Variants in PKD2L2 observed in about 807,000 individuals in gnomAD.
PKD2L2 encodes polycystin 2 like 2, transient receptor potential cation channel.
PKD2L2 carries 67 observed loss-of-function variants against 83.9 expected under a neutral mutation model. The observed-to-expected ratio is 0.80, with a 90% CI of 0.66 to 0.98. The LOEUF (loss-of-function observed/expected upper bound fraction) is 0.98, where lower values mean the gene tolerates loss of function less well. Ranked by LOEUF, PKD2L2 falls within the 50% of genes least tolerant of loss-of-function variation. The pLI, the probability that PKD2L2 is intolerant of heterozygous loss-of-function variation, is 0.00. For synonymous variants in PKD2L2, 223 were observed against 237.8 expected (o/e 0.94, Z 0.57); for missense variants, 632 against 717.2 (o/e 0.88, Z 1.36).
chr5:137,923,325 A>T, intron 9 of PKD2L2, 95 bp from the exon 10 acceptor site: 2 of 673,744 alleles, frequency 3.0e-6, no homozygotes, highest in African/African-American at 1.8e-5. Context: ...TACTTTTAAA[A>T]TTTAAATATA....
intron 12 of PKD2L2, among the ~76,000 whole-genome samples, chr5:137,930,933 C>T (rs148267324): frequency 0.014 from 2,062 of 152,004 alleles, 23 homozygotes; most frequent in Middle Eastern, 0.034. Flanking sequence ...AAGGCTAGTT[C>T]CTTGCAAACA....
chr5:137,923,646 C>G (rs34615501), intron 10 of PKD2L2, 125 bp downstream of exon 10: 94,062 of 646,604 alleles, frequency 0.15, 9,722 homozygotes, highest in East Asian at 0.37. Context: ...CATCCCATCC[C>G]CAGGGTTTGT....
chr5:137,926,814 G>A (rs1409151347), intron 12 of PKD2L2, among the ~76,000 whole-genome samples: 2 of 152,160 alleles, frequency 1.3e-5, no homozygotes, highest in South Asian at 4.1e-4. Flanking sequence ...CAAAAATTTA[G>A]TATTTGCGGG....
At chr5:137,902,170 G>C (rs1757015341) in intron 5 of PKD2L2, among the ~76,000 whole-genome samples, 1 of 152,032 alleles carries the variant, frequency 6.6e-6, no homozygotes, top group African/African-American at 2.4e-5. Context: ...TCTGGAGAAG[G>C]GTTCCGATTA....
chr5:137,913,884 T>C (rs910466055), intron 8 of PKD2L2, among the ~76,000 whole-genome samples: 145 of 149,616 alleles, frequency 9.7e-4, no homozygotes, highest in African/African-American at 2.2e-3. Flanking sequence ...TTTTTTTTTT[T>C]CCCGATGAGG....
chr5:137,919,913 C>G (rs576614171), intron 8 of PKD2L2, among the ~76,000 whole-genome samples: 1 of 152,278 alleles, frequency 6.6e-6, no homozygotes, highest in South Asian at 2.1e-4. Flanking sequence ...TATCAACATA[C>G]GATTAAACAT....
chr5:137,921,056 C>A (rs953762431), intron 8 of PKD2L2, among the ~76,000 whole-genome samples: 1 of 152,088 alleles, frequency 6.6e-6, no homozygotes, highest in East Asian at 1.9e-4. Flanking sequence ...AAACAGGTAT[C>A]TCAGGTTCAA....
intron 12 of PKD2L2, 128 bp downstream of exon 12, chr5:137,926,057 A>C: frequency 3.5e-6 from 2 of 564,720 alleles, no homozygotes; most frequent in South Asian, 2.3e-5. Context: ...CTCCAAATAA[A>C]TCTCCCAGAA....
chr5:137,899,573 T>C lies in PKD2L2; in HGVS notation c.582T>C (p.Val194=). The C allele has an allele frequency of 1.9e-6, 3 of 1,613,972 alleles. No individual in the cohort carries two copies. The highest frequency in any genetic ancestry group is 1.3e-5 in the African/African-American group (1 of 75,056). ...NSPWHWGFLG[V]YRNGGYIFTL... is the part of the protein sequence containing the mutation. ...CTTGGCACTGGGGATTTCTTGGTGTTTACCGAAATGGGGGATACATTTTCA... is the reference window on the plus strand; with the variant it reads ...CTTGGCACTGGGGATTTCTTGGTGTCTACCGAAATGGGGGATACATTTTCA... Residue 194 remains valine, a synonymous_variant, in exon 5 of 15, where the codon GTT becomes GTC. Transcript: ENST00000508883.
chr5:137,894,051 C>T (rs1218907855), intron 3 of PKD2L2, among the ~76,000 whole-genome samples: 1 of 152,102 alleles, frequency 6.6e-6, no homozygotes, highest in Admixed American at 6.6e-5. Context: ...TGGCTATGAC[C>T]AGCTCTGATA....
At chr5:137,895,102 C>T (rs962626830) in intron 4 of PKD2L2, among the ~76,000 whole-genome samples, 1 of 152,114 alleles carries the variant, frequency 6.6e-6, no homozygotes, top group African/African-American at 2.4e-5. Context: ...TGATGCTTTA[C>T]AAAGATGCTA....
chr5:137,929,075 G>A (rs1488522953), intron 12 of PKD2L2, among the ~76,000 whole-genome samples: 1 of 152,122 alleles, frequency 6.6e-6, no homozygotes, highest in Non-Finnish European at 1.5e-5. Flanking sequence ...TAGTAGAGGA[G>A]AGGACAATGA....
At chr5:137,934,178 T>TGGTAG (rs1444329419) in intron 12 of PKD2L2, among the ~76,000 whole-genome samples, 4 of 151,680 alleles carry the variant, frequency 2.6e-5, no homozygotes, top group Admixed American at 2.6e-4. Context: ...CAAGGGAAGG[T>TGGTAG]GGTAGGGCGA....
At chr5:137,918,054 CAAAAAAT>C (rs1758542668) in intron 8 of PKD2L2, among the ~76,000 whole-genome samples, 1 of 152,106 alleles carries the variant, frequency 6.6e-6, no homozygotes, top group Non-Finnish European at 1.5e-5. Flanking sequence ...CATGTCTGTA[CAAAAAAT>C]AAAAAATAAT....
chr5:137,923,570 A>G (rs1461907963), intron 10 of PKD2L2, 49 bp downstream of exon 10: 3 of 871,742 alleles, frequency 3.4e-6, no homozygotes, highest in Non-Finnish European at 5.9e-6. Flanking sequence ...AACCTCATAT[A>G]GTTTATCCTC....
chr5:137,904,264 C>T (rs1393874386), intron 5 of PKD2L2, among the ~76,000 whole-genome samples: 1 of 152,250 alleles, frequency 6.6e-6, no homozygotes, highest in Non-Finnish European at 1.5e-5. Flanking sequence ...GAATCAAACA[C>T]TTAGCAAAGG....
intron 5 of PKD2L2, among the ~76,000 whole-genome samples, chr5:137,904,151 G>T (rs1757181030): frequency 1.3e-5 from 2 of 152,148 alleles, no homozygotes; most frequent in South Asian, 4.1e-4. Flanking sequence ...CTTCATTGGT[G>T]GGTTCAGATA....
chr5:137,921,186 C>G (rs1758862364), intron 8 of PKD2L2, among the ~76,000 whole-genome samples: 1 of 151,996 alleles, frequency 6.6e-6, no homozygotes, highest in East Asian at 1.9e-4. Context: ...CATGGTGAGG[C>G]TGTCTCTACT....
At chr5:137,910,539 G>A (rs1012959174) in intron 8 of PKD2L2, among the ~76,000 whole-genome samples, 38 of 151,876 alleles carry the variant, frequency 2.5e-4, no homozygotes, top group Admixed American at 8.5e-4. Flanking sequence ...TTGGGAGGCC[G>A]AGGCGGGTGG....
Sources: gnomAD v4.1 joint callset for allele counts (sites outside exome capture counted in the v4.1 genomes callset) on GRCh38, gnomAD v4.1.1 for gene constraint, MANE v1.5 for transcripts, NCBI Gene and HGNC (gene_info 2026-07-23, HGNC 2026-07-21) for gene names.